The following PCDH17 variants were observed in gnomAD, a reference collection of about 807,000 sequenced individuals.
PCDH17 encodes protocadherin 17.
PCDH17 carries 21 observed loss-of-function variants against 67.7 expected under a neutral mutation model. That is an observed-to-expected ratio of 0.31 (90% confidence interval 0.22 to 0.45). The LOEUF (loss-of-function observed/expected upper bound fraction) is 0.45. Ranked by LOEUF, PCDH17 falls within the 20% of genes least tolerant of loss-of-function variation. The pLI is 1.00. For synonymous variants in PCDH17, 701 were observed against 656.7 expected (o/e 1.07, Z -1.03); for missense variants, 1,471 against 1,564.8 (o/e 0.94, Z 1.01).
At chr13:57,696,066 C>A (rs951004683) in intron 3 of PCDH17, among the ~76,000 whole-genome samples, 13 of 151,286 alleles carry the variant, frequency 8.6e-5, no homozygotes, top group African/African-American at 2.9e-4. Flanking sequence ...TGTATTGATA[C>A]ATGGGAAAAC....
chr13:57,650,772 A>G (rs1403110002), intron 1 of PCDH17, among the ~76,000 whole-genome samples: 3 of 152,196 alleles, frequency 2.0e-5, no homozygotes, highest in Admixed American at 6.5e-5. Context: ...AGTTGAACTT[A>G]TAGAGTTCAA....
At position 57,635,078 on chromosome 13, in the gene PCDH17, C is replaced by A. The variant is rs1275656676; in HGVS notation, c.2532C>A (p.Ser844Arg). 6.2e-7 allele frequency: 1 copy of A among 1,613,484 alleles called. No individual in the cohort carries two copies. Among genetic ancestry groups the A allele is most frequent in the Non-Finnish European group, 8.5e-7 (1 of 1,180,002 alleles). Residue 844 changes from serine (S) to arginine (R), a missense_variant, in exon 1 of 4, where the codon AGC (serine) becomes AGA (arginine). Transcript: ENST00000377918. Reference sequence around the variant, plus strand: ...TCACCGGACAAGGGACTAATGCAAGCGAGACCCCTGCCACTCGGATGTCCA... The same window carrying A: ...TCACCGGACAAGGGACTAATGCAAGAGAGACCCCTGCCACTCGGATGTCCA... ...TSFTGQGTNASETPATRMSII... is the reference protein window; with the variant it reads ...TSFTGQGTNARETPATRMSII...
At chr13:57,702,313 T>C (rs1955674392) in intron 3 of PCDH17, among the ~76,000 whole-genome samples, 1 of 152,048 alleles carries the variant, frequency 6.6e-6, no homozygotes, top group Admixed American at 6.6e-5. Context: ...TGAATTATAT[T>C]GTACTTTTCT....
chr13:57,689,652 G>A (rs1396548883), intron 3 of PCDH17, among the ~76,000 whole-genome samples: 5 of 151,808 alleles, frequency 3.3e-5, no homozygotes, highest in African/African-American at 2.4e-5. Flanking sequence ...GTATTTTTCT[G>A]TATATGCATA....
At chr13:57,689,073 T>C (rs1029527307) in intron 3 of PCDH17, among the ~76,000 whole-genome samples, 1 of 152,102 alleles carries the variant, frequency 6.6e-6, no homozygotes. Context: ...CGCAAAATTT[T>C]AGCATTCTTG....
At chr13:57,639,249 T>C (rs1158272793) in intron 1 of PCDH17, among the ~76,000 whole-genome samples, 1 of 151,926 alleles carries the variant, frequency 6.6e-6, no homozygotes, top group African/African-American at 2.4e-5. Context: ...ATATTTCTTT[T>C]TCTGTTTTAT....
chr13:57,681,442 T>A (rs1357818179), intron 3 of PCDH17, among the ~76,000 whole-genome samples: 5 of 151,892 alleles, frequency 3.3e-5, no homozygotes, highest in African/African-American at 9.6e-5. Flanking sequence ...TTACCTTGCT[T>A]AGCATTTACT....
At chr13:57,700,484 A>G (rs1239590614) in intron 3 of PCDH17, among the ~76,000 whole-genome samples, 1 of 151,894 alleles carries the variant, frequency 6.6e-6, no homozygotes, top group Non-Finnish European at 1.5e-5. Context: ...ATGCCCAGCT[A>G]ATTTTTGTAT....
At chr13:57,631,492 A>T (rs931802065), upstream of PCDH17, among the ~76,000 whole-genome samples, 2 of 152,192 alleles carry the variant, frequency 1.3e-5, no homozygotes, top group African/African-American at 4.8e-5. Context: ...CTTGGAGAGA[A>T]GTCCTTGCTC....
At chr13:57,667,697 C>T (rs1217376342) in intron 3 of PCDH17, among the ~76,000 whole-genome samples, 1 of 151,340 alleles carries the variant, frequency 6.6e-6, no homozygotes, top group Non-Finnish European at 1.5e-5. Flanking sequence ...ATATGTGAAC[C>T]TAACCTCTAA....
chr13:57,633,805 A>G lies in PCDH17; in HGVS notation c.1259A>G (p.Asn420Ser), dbSNP rs369064326. Residue 420 changes from asparagine (N) to serine (S), a missense_variant, in exon 1 of 4, where the codon AAC (asparagine) becomes AGC (serine). Asn to Ser is a conservative substitution (Grantham distance 46). Coordinates refer to ENST00000377918, the MANE Select transcript of PCDH17 (RefSeq NM_001040429.3). The surrounding 1 kb of genome is among the most constrained non-coding windows in gnomAD (Gnocchi z 6.2). ...VPFKLEENYDNFYTVVTDRPL... is the reference protein window; with the variant it reads ...VPFKLEENYDSFYTVVTDRPL... The stretch of plus-strand genomic sequence containing the variant: ...TTCAAGCTTGAGGAGAACTACGACA[A>G]CTTCTACACGGTGGTGACTGACCGC... 1 of 1,610,410 alleles carries G rather than the reference A, an allele frequency of 6.2e-7. No homozygotes were observed. The highest frequency in any genetic ancestry group is 1.3e-5 in the African/African-American group (1 of 74,906).
Position 57,634,207 on chromosome 13 carries a change from C to G in PCDH17, c.1661C>G (p.Ala554Gly). The change falls in exon 1 of 4, where the codon GCT becomes GGT. Residue 554 changes from alanine to glycine, a missense_variant. Physicochemically the swap from Ala to Gly is moderately conservative, Grantham distance 60. Around this residue, in one of 3 missense-constraint regions of PCDH17, gnomAD observed 1,163 missense variants for 1,230.0 expected, o/e 0.95. Coordinates refer to ENST00000377918, the MANE Select transcript of PCDH17 (RefSeq NM_001040429.3). The surrounding 1 kb of genome is among the most constrained non-coding windows in gnomAD (Gnocchi z 7.8). ...AAGGCTTTTGAGTTCAAGGTGCTTGCTAAGGACTCGGGGGCGCCCGCGCAC... is the reference window on the plus strand; with the variant it reads ...AAGGCTTTTGAGTTCAAGGTGCTTGGTAAGGACTCGGGGGCGCCCGCGCAC... Reference protein sequence around the residue: ...QTKAFEFKVLAKDSGAPAHLE... With the variant: ...QTKAFEFKVLGKDSGAPAHLE... 6.2e-7 allele frequency: 1 copy of G among 1,613,446 alleles called. No homozygotes were observed.
chr13:57,702,691 T>C (rs1489904500), intron 3 of PCDH17, among the ~76,000 whole-genome samples: 1 of 152,120 alleles, frequency 6.6e-6, no homozygotes, highest in Non-Finnish European at 1.5e-5. Flanking sequence ...CACTGTGCTC[T>C]CCAAGTACTG....
intron 3 of PCDH17, among the ~76,000 whole-genome samples, chr13:57,721,090 C>T (rs1378795143): frequency 3.3e-5 from 5 of 151,948 alleles, no homozygotes; most frequent in East Asian, 1.9e-4. Flanking sequence ...GCAGAACTGC[C>T]CACAGTCCCA....
rs118157005 is a variant in PCDH17, at chr13:57,632,485, C to T, written c.-62C>T. 1.7e-3 allele frequency: 2,573 copies of T among 1,517,620 alleles called. 52 individuals carry two copies. In the Admixed American group the frequency reaches 0.035, roughly 20 times the overall value. 94.0% of individuals were successfully genotyped at this position (1,517,620 alleles called of 1,614,324 possible). ...ACGCTGCGCCAGGGCCCCAGGCTGG[C>T]GCGCACTCCCTCTCTGGCTCCTCCA... is the stretch of plus-strand genomic sequence containing the variant. On this transcript the variant is annotated 5_prime_UTR_variant, in exon 1 of 4. Coordinates refer to ENST00000377918, the MANE Select transcript of PCDH17 (RefSeq NM_001040429.3).
At chr13:57,712,317 G>A (rs560681308) in intron 3 of PCDH17, among the ~76,000 whole-genome samples, 1 of 151,590 alleles carries the variant, frequency 6.6e-6, no homozygotes, top group Non-Finnish European at 1.5e-5. Context: ...CCTTTCAGCA[G>A]AGACGTTGTG....
intron 3 of PCDH17, among the ~76,000 whole-genome samples, chr13:57,684,941 A>G (rs985029755): frequency 6.6e-6 from 1 of 151,954 alleles, no homozygotes; most frequent in Admixed American, 6.6e-5. Context: ...CAGTTCAATA[A>G]TGTCAAACTA....
chr13:57,724,833 G>GAGC lies in PCDH17; in HGVS notation c.3021_3023dup (p.Glu1007_His1008insGln), dbSNP rs1566249992. 1.9e-6 allele frequency: 3 copies of GAGC among 1,614,172 alleles called. No individual in the cohort carries two copies. The highest frequency in any genetic ancestry group is 2.5e-6 in the Non-Finnish European group (3 of 1,180,024). The stretch of plus-strand genomic sequence containing the variant: ...TTGTACATTTGGAAAAGACAAGCGA[G>GAGC]AGCACACTATTCTCATTGCCAACGT... On this transcript the variant is annotated inframe_insertion, in exon 4 of 4. Coordinates refer to ENST00000377918, the MANE Select transcript of PCDH17 (RefSeq NM_001040429.3).
intron 3 of PCDH17, among the ~76,000 whole-genome samples, chr13:57,723,866 A>G (rs1345057837): frequency 6.6e-6 from 1 of 152,200 alleles, no homozygotes; most frequent in Non-Finnish European, 1.5e-5. Context: ...AGAAAGCATT[A>G]TTATTTAAAA....
Sources: allele counts gnomAD v4.1 joint callset (sites outside exome capture counted in the v4.1 genomes callset), GRCh38; gene constraint gnomAD v4.1.1; regional missense constraint gnomAD v4.1.1; non-coding constraint Gnocchi (gnomAD v3.1); transcripts MANE v1.5; gene names NCBI Gene and HGNC (gene_info 2026-07-23, HGNC 2026-07-21).